Variants in TRPV3 observed in about 807,000 individuals in gnomAD.
TRPV3 encodes VRL-3.
Under a neutral mutation model 87.1 loss-of-function variants are expected in TRPV3, and 88 were observed. The ratio of observed to expected loss-of-function variants is 1.01; its 90% CI spans 0.85 to 1.21. The LOEUF (loss-of-function observed/expected upper bound fraction) is 1.21, where lower values mean the gene tolerates loss of function less well. Among genes scored for constraint, TRPV3 ranks in the 50% most tolerant of loss-of-function variants. The pLI is 0.00. For missense variants in TRPV3, 1,054 were observed against 1,030.1 expected (o/e 1.02, Z -0.32); for synonymous variants, 438 against 423.3 (o/e 1.03, Z -0.43).
chr17:3,530,570 G>C lies in TRPV3; in HGVS notation c.1066-367C>G, dbSNP rs1456910040. ...AACAGTTTCCATTTGCTCTGGACTTGAGAAGAAGCCAGAAGTGTTCTCAGC... is the reference window on the plus strand; with the variant it reads ...AACAGTTTCCATTTGCTCTGGACTTCAGAAGAAGCCAGAAGTGTTCTCAGC... On this transcript the variant is annotated intron_variant, in intron 8 of 17. Transcript: ENST00000576742. The surrounding 1 kb of genome is among the most constrained non-coding windows in gnomAD (Gnocchi z 4.0). Among the ~76,000 whole-genome samples the C allele has an allele frequency of 6.6e-6, 1 of 152,182 alleles. No individual in the cohort carries two copies. The highest frequency in any genetic ancestry group is 1.5e-5 in the Non-Finnish European group (1 of 68,024).
At chr17:3,521,868 G>A (rs1188563888) in intron 13 of TRPV3, among the ~76,000 whole-genome samples, 1 of 152,244 alleles carries the variant, frequency 6.6e-6, no homozygotes, top group East Asian at 1.9e-4. Context: ...CTGAGGTCAG[G>A]AGTTGGAGGC....
intron 15 of TRPV3, among the ~76,000 whole-genome samples, chr17:3,517,991 G>C (rs1212191522): frequency 6.6e-6 from 1 of 151,926 alleles, no homozygotes; most frequent in African/African-American, 2.4e-5. Context: ...GCTAGCTTTT[G>C]TATTTTTAGT....
chr17:3,529,049 C>T (rs2074325903), intron 9 of TRPV3, 54 bp from the exon 10 acceptor site: 1 of 1,605,320 alleles, frequency 6.2e-7, no homozygotes, highest in Non-Finnish European at 8.5e-7. Flanking sequence ...AGGGAGGGAC[C>T]GTTTTCTAAA....
chr17:3,544,778 C>T, intron 3 of TRPV3, 113 bp from the exon 4 acceptor site: 1 of 734,688 alleles, frequency 1.4e-6, no homozygotes, highest in Non-Finnish European at 2.3e-6. Flanking sequence ...AGGTGGATCA[C>T]TTGAGGTCAG....
intron 6 of TRPV3, among the ~76,000 whole-genome samples, 176 bp downstream of exon 6, chr17:3,542,346 T>C (rs2150800525): frequency 6.6e-6 from 1 of 152,350 alleles, no homozygotes; most frequent in Non-Finnish European, 1.5e-5. Flanking sequence ...CAAAATTATT[T>C]GCAGAATGAA....
intron 6 of TRPV3, among the ~76,000 whole-genome samples, chr17:3,539,398 A>G (rs1005534887): frequency 5.9e-5 from 9 of 152,116 alleles, no homozygotes; most frequent in Non-Finnish European, 8.8e-5. Context: ...TCACGCCTAT[A>G]ATCCCATCAT....
rs1251260205 is a variant in TRPV3, at chr17:3,543,490, A to G, written c.450T>C (p.His150=). ...VELQELCRRR[H]DEDVPDFLMH... is the part of the protein sequence containing the mutation. Reference sequence around the variant, plus strand: ...GACACTCACCAGGCACATCCTCATCATGGCGCCGCCTGCAAAGCTCCTGCA... The same window carrying G: ...GACACTCACCAGGCACATCCTCATCGTGGCGCCGCCTGCAAAGCTCCTGCA... The change falls in exon 5 of 18, where the codon CAT becomes CAC. Residue 150 remains histidine (H), a synonymous_variant. Transcript: ENST00000576742. 1 of 1,613,308 alleles carries G rather than the reference A, an allele frequency of 6.2e-7. No homozygotes were observed. Among genetic ancestry groups the G allele is most frequent in the African/African-American group, 1.3e-5 (1 of 75,004 alleles).
At chr17:3,514,805 G>T in intron 16 of TRPV3, 133 bp from the exon 17 acceptor site, 1 of 642,882 alleles carries the variant, frequency 1.6e-6, no homozygotes, top group Non-Finnish European at 2.7e-6. Context: ...GAGCACCCCT[G>T]ACCCGAGGGG....
intron 7 of TRPV3, among the ~76,000 whole-genome samples, chr17:3,534,252 T>TA (rs1490309836): frequency 3.3e-5 from 5 of 151,580 alleles, no homozygotes; most frequent in Admixed American, 6.6e-5. Context: ...TCCTGCTGAT[T>TA]AAAAAACCAC....
chr17:3,543,468 A>G lies in TRPV3; in HGVS notation c.466+6T>C, dbSNP rs2074488442. The G allele has an allele frequency of 6.2e-7, 1 of 1,612,474 alleles. No individual in the cohort carries two copies. The highest frequency in any genetic ancestry group is 8.5e-7 in the Non-Finnish European group (1 of 1,179,912). On this transcript the variant is annotated splice_donor_region_variant and intron_variant, in intron 5 of 17. Coordinates refer to ENST00000576742, the MANE Select transcript of TRPV3 (RefSeq NM_145068.4). ...CCTGCACCCTCTGCCAGGCTCAGAC[A>G]CTCACCAGGCACATCCTCATCATGG... is the stretch of plus-strand genomic sequence containing the variant.
At chr17:3,531,751 C>A (rs1415548341) in intron 8 of TRPV3, among the ~76,000 whole-genome samples, 4 of 152,212 alleles carry the variant, frequency 2.6e-5, no homozygotes, top group Admixed American at 6.5e-5. Context: ...GCAGGAGCTG[C>A]GGGGAGGCAG....
chr17:3,550,087 A>C (rs1436047759), intron 2 of TRPV3, among the ~76,000 whole-genome samples: 1 of 152,176 alleles, frequency 6.6e-6, no homozygotes, highest in East Asian at 1.9e-4. Context: ...GATAATAAGT[A>C]ATTGGGAGGG....
Position 3,521,027 on chromosome 17 carries a change from C to A in TRPV3, c.1756G>T (p.Asp586Tyr). ...SVMIQKVILH[D>Y]VLKFLFVYIV... ...TATACAAACAAGAACTTCAGAACAT[C>A]ATGCAAAATGACCTATAAGGAAATA... is the stretch of plus-strand genomic sequence containing the variant. The change falls in exon 14 of 18, where the codon GAT becomes TAT. Residue 586 changes from aspartate to tyrosine, a missense_variant. Transcript: ENST00000576742. 1 of 1,607,994 alleles carries A rather than the reference C, an allele frequency of 6.2e-7. No homozygotes were observed. Among genetic ancestry groups the A allele is most frequent in the Non-Finnish European group, 8.5e-7 (1 of 1,176,026 alleles).
chr17:3,544,055 C>T (rs2074495690), intron 4 of TRPV3, among the ~76,000 whole-genome samples: 1 of 152,022 alleles, frequency 6.6e-6, no homozygotes, highest in South Asian at 2.1e-4. Context: ...GTCACCCAGG[C>T]TGGAGTACAG....
intron 7 of TRPV3, among the ~76,000 whole-genome samples, chr17:3,534,406 TA>T (rs1031848064): frequency 6.6e-6 from 1 of 151,370 alleles, no homozygotes; most frequent in Non-Finnish European, 1.5e-5. Context: ...AAAATAAAAA[TA>T]AAAAAAATAA....
At chr17:3,545,939 G>T (rs1481881812) in intron 2 of TRPV3, among the ~76,000 whole-genome samples, 1 of 149,134 alleles carries the variant, frequency 6.7e-6, no homozygotes, top group African/African-American at 2.5e-5. Flanking sequence ...GCAGTGAGCC[G>T]AGACCGCGCC....
chr17:3,525,056 G>GTC (rs2074283981), intron 12 of TRPV3, among the ~76,000 whole-genome samples: 1 of 152,190 alleles, frequency 6.6e-6, no homozygotes, highest in Non-Finnish European at 1.5e-5. Context: ...GTCTTGCTCT[G>GTC]TCACCTAGGC....
At position 3,518,597 on chromosome 17, in the gene TRPV3, G is replaced by A. The variant is rs376054041; in HGVS notation, c.2064C>T (p.Ser688=). 2.6e-5 allele frequency: 40 copies of A among 1,560,484 alleles called. No homozygotes were observed. Among genetic ancestry groups the A allele is most frequent in the South Asian group, 2.4e-4 (20 of 84,780 alleles). The change falls in exon 15 of 18, where the codon AGC becomes AGT. Residue 688 remains serine, a synonymous_variant. Coordinates refer to ENST00000576742, the MANE Select transcript of TRPV3 (RefSeq NM_145068.4). The surrounding 1 kb of genome is among the most constrained non-coding windows in gnomAD (Gnocchi z 4.3). ...GETVENVSKE[S]ERIWRLQRAR... ...TCACCTGCAGGCGCCAGATGCGTTC[G>A]CTCTCCTTGGAGACGTTCTCCACAG...
At chr17:3,517,884 T>A (rs2074198753) in intron 15 of TRPV3, among the ~76,000 whole-genome samples, 1 of 150,052 alleles carries the variant, frequency 6.7e-6, no homozygotes, top group African/African-American at 2.5e-5. Context: ...CATGACACAA[T>A]CTCAACTCGC....
Sources: gnomAD v4.1 joint callset for allele counts (sites outside exome capture counted in the v4.1 genomes callset) on GRCh38, gnomAD v4.1.1 for gene constraint, Gnocchi (gnomAD v3.1) non-coding constraint, MANE v1.5 for transcripts, NCBI Gene and HGNC (gene_info 2026-07-23, HGNC 2026-07-21) for gene names.